Variants in COL6A2 observed in about 807,000 individuals in gnomAD.
The protein encoded by COL6A2 is collagen type VI alpha 2 chain.
COL6A2 carries 90 observed loss-of-function variants against 124.9 expected under a neutral mutation model. The observed-to-expected ratio is 0.72, with a 90% CI of 0.61 to 0.86. The LOEUF is 0.86. COL6A2 is among the 40% of genes least tolerant of loss of function. The probability of loss-of-function intolerance (pLI) is 0.00; values close to 1 mark genes in which losing one functional copy is unlikely to be tolerated. For missense variants in COL6A2, 1,607 were observed against 1,502.5 expected, an observed-to-expected ratio of 1.07 and a Z score of -1.15; for synonymous variants, 793 against 618.2, an observed-to-expected ratio of 1.28 and a Z score of -4.19.
rs770387211 is a variant in COL6A2 at position 46,112,201 on chromosome 21, G to A, written c.338G>A (p.Ser113Asn). Reference sequence around the variant, plus strand: ...GTGGAGGTGTTCAGCCCACCGGGCAGCGACCGGGCCTCCTTCATCAAGAAC... The same window carrying A: ...GTGGAGGTGTTCAGCCCACCGGGCAACGACCGGGCCTCCTTCATCAAGAAC... ...DQVEVFSPPG[S>N]DRASFIKNLQ... The change falls in exon 3 of 28, where the codon AGC becomes AAC. Residue 113 changes from serine to asparagine, a missense_variant. Coordinates refer to ENST00000300527, the MANE Select transcript of COL6A2 (RefSeq NM_001849.4). The A allele has an allele frequency of 9.9e-6, 16 of 1,612,868 alleles. No individual in the cohort carries two copies. In the African/African-American group the frequency reaches 1.7e-4, roughly 17 times the overall value.
rs2078403906 is a variant in COL6A2, at chr21:46,111,901, C to T, written c.116-78C>T. The T allele has an allele frequency of 2.7e-5, 39 of 1,470,550 alleles. No homozygotes were observed. The South Asian group carries it at 4.0e-4, about 15-fold the overall frequency. The allele number at this position is 1,470,550 out of a possible 1,614,324, so 91.1% of individuals were successfully genotyped here. A position where few individuals can be genotyped will look rare whatever the true frequency, so the allele number is the denominator to read the frequency against. On this transcript the variant is annotated intron_variant, in intron 2 of 27. Transcript: ENST00000300527. ...GGGGCAGTGAGGTCAAACCCACAAA[C>T]AGGCACGGGGCCAGGAAACGGGGCT...
intron 27 of COL6A2, chr21:46,129,310 A>C: frequency 6.2e-7 from 1 of 1,612,856 alleles, no homozygotes; most frequent in Non-Finnish European, 8.5e-7. Context: ...AACGCCACGG[A>C]GCTCACGCAG....
chr21:46,104,407 G>GAAAT (rs1355679245), intron 1 of COL6A2, among the ~76,000 whole-genome samples: 1 of 152,188 alleles, frequency 6.6e-6, no homozygotes, highest in Non-Finnish European at 1.5e-5. Flanking sequence ...ATTCACTAGA[G>GAAAT]AAATGCAAAG....
chr21:46,111,341 A>T, intron 1 of COL6A2, 109 bp from the exon 2 acceptor site: 1 of 645,832 alleles, frequency 1.5e-6, no homozygotes, highest in Non-Finnish European at 2.8e-6. Context: ...TTGAAGACTG[A>T]GGGCAGTGCC....
At chr21:46,122,756 G>A in intron 20 of COL6A2, 119 bp from the exon 21 acceptor site, 1 of 1,117,398 alleles carries the variant, frequency 8.9e-7, no homozygotes, top group Non-Finnish European at 1.3e-6. Flanking sequence ...AAACCACATA[G>A]ATGCTCCCGT....
In COL6A2 at chr21:46,112,689, G is replaced by C. The variant is rs2078421764; in HGVS notation, c.714+112G>C. 5 of 1,596,194 alleles carry C rather than the reference G, an allele frequency of 3.1e-6. No individual in the cohort carries two copies. The Admixed American group carries it at 8.3e-5, about 27-fold the overall frequency. On this transcript the variant is annotated intron_variant, in intron 3 of 27. Transcript: ENST00000300527. Reference sequence around the variant, plus strand: ...GTGAGTGCGGAGGCCGAAGGAGGAAGCTCCGGGCAGGGCCTGGGCCACTCA... The same window carrying C: ...GTGAGTGCGGAGGCCGAAGGAGGAACCTCCGGGCAGGGCCTGGGCCACTCA...
At chr21:46,109,699 C>T (rs535887525) in intron 1 of COL6A2, among the ~76,000 whole-genome samples, 14 of 152,286 alleles carry the variant, frequency 9.2e-5, no homozygotes, top group Admixed American at 5.2e-4. Context: ...TGCACCCACC[C>T]GGCCAGGCTG....
At chr21:46,102,685 T>A (rs1027448229) in intron 1 of COL6A2, among the ~76,000 whole-genome samples, 1 of 148,678 alleles carries the variant, frequency 6.7e-6, no homozygotes, top group Non-Finnish European at 1.5e-5. Context: ...TTCATTCTGT[T>A]AATGTGTATT....
intron 26 of COL6A2, 66 bp downstream of exon 26, chr21:46,126,303 C>T: frequency 6.4e-7 from 1 of 1,562,720 alleles, no homozygotes; most frequent in Non-Finnish European, 8.7e-7. Flanking sequence ...CTAGCGTGAG[C>T]CCCAGGGACA....
At chr21:46,129,514 G>C in intron 27 of COL6A2, 3 of 1,534,876 alleles carry the variant, frequency 2.0e-6, no homozygotes, top group Non-Finnish European at 2.6e-6. Flanking sequence ...CGCCCAGCCG[G>C]GCTGGGCCCT....
chr21:46,102,499 A>C (rs563413793), intron 1 of COL6A2, among the ~76,000 whole-genome samples: 1 of 152,260 alleles, frequency 6.6e-6, no homozygotes, highest in African/African-American at 2.4e-5. Flanking sequence ...TCAGTCTTTC[A>C]CCACTGAGTA....
chr21:46,115,887 A>G lies in COL6A2; in HGVS notation c.817A>G (p.Met273Val). Residue 273 changes from methionine (M) to valine (V), a missense_variant, in exon 6 of 28, where the codon ATG (methionine) becomes GTG (valine). Around this residue, in one of 3 missense-constraint regions of COL6A2, gnomAD observed 42 missense variants for 68.7 expected, o/e 0.61. Transcript: ENST00000300527. Reference protein sequence around the residue: ...YRGQKGAKGNMGEPGEPGQKG... With the variant: ...YRGQKGAKGNVGEPGEPGQKG... ...CTGCTTTTAGGGTGCCAAGGGCAAC[A>G]TGGGTGAGCCGGGAGAGCCTGGCCA... The G allele has an allele frequency of 6.2e-7, 1 of 1,612,880 alleles. No individual in the cohort carries two copies. Among genetic ancestry groups the G allele is most frequent in the African/African-American group, 1.3e-5 (1 of 75,026 alleles).
chr21:46,130,488 ACTGCACAGGG>A (rs1394035712), intron 27 of COL6A2, among the ~76,000 whole-genome samples: 1 of 151,990 alleles, frequency 6.6e-6, no homozygotes, highest in African/African-American at 2.4e-5. Flanking sequence ...CCCCACACCC[ACTGCACAGGG>A]CAGGCCAGGC....
At chr21:46,122,278 C>T in intron 19 of COL6A2, 120 bp downstream of exon 19, 4 of 1,291,866 alleles carry the variant, frequency 3.1e-6, no homozygotes, top group Non-Finnish European at 3.3e-6. Flanking sequence ...TGAGGTCCCT[C>T]CTGCGGGACA....
intron 10 of COL6A2, among the ~76,000 whole-genome samples, chr21:46,117,090 C>T (rs2123630076): frequency 6.6e-6 from 1 of 152,214 alleles, no homozygotes; most frequent in East Asian, 1.9e-4. Context: ...CTACCCACTC[C>T]CAGGTCAAAC....
At chr21:46,113,959 G>T in intron 4 of COL6A2, 49 bp from the exon 5 acceptor site, 3 of 1,511,696 alleles carry the variant, frequency 2.0e-6, no homozygotes, top group African/African-American at 2.7e-5. Context: ...CCTGCCACCT[G>T]AGGAATGTCC....
At chr21:46,127,025 A>G (rs1039553698) in intron 27 of COL6A2, among the ~76,000 whole-genome samples, 2 of 152,048 alleles carry the variant, frequency 1.3e-5, no homozygotes, top group Non-Finnish European at 2.9e-5. Context: ...CATCTCTGGG[A>G]GTGGGGGAGC....
intron 1 of COL6A2, among the ~76,000 whole-genome samples, chr21:46,107,393 A>G (rs2078346252): frequency 6.6e-6 from 1 of 152,176 alleles, no homozygotes; most frequent in African/African-American, 2.4e-5. Context: ...ATGACACTAC[A>G]CGACCAAGAA....
In COL6A2 at chr21:46,126,295, A is replaced by C. The variant is rs565883086; in HGVS notation, c.2422+58A>C. Reference sequence around the variant, plus strand: ...GAGCAGCAGGCCCCAGCCGCTGTCTAGCGTGAGCCCCAGGGACACCCCTCA... The same window carrying C: ...GAGCAGCAGGCCCCAGCCGCTGTCTCGCGTGAGCCCCAGGGACACCCCTCA... On this transcript the variant is annotated intron_variant, in intron 26 of 27. Transcript: ENST00000300527. The C allele has an allele frequency of 8.9e-6, 14 of 1,578,422 alleles. No individual in the cohort carries two copies. The East Asian group carries it at 2.9e-4, about 33-fold the overall frequency.
Sources: gnomAD v4.1 joint callset for allele counts (sites outside exome capture counted in the v4.1 genomes callset) on GRCh38, gnomAD v4.1.1 for gene constraint, gnomAD v4.1.1 regional missense constraint, MANE v1.5 for transcripts, NCBI Gene and HGNC (gene_info 2026-07-23, HGNC 2026-07-21) for gene names.